Variants in ZNF385B observed in about 807,000 individuals in gnomAD.
The protein encoded by ZNF385B is zinc finger protein 385B.
A neutral mutation model predicts 39.2 loss-of-function variants in ZNF385B; 23 were observed. The observed-to-expected ratio is 0.59, with a 90% confidence interval of 0.42 to 0.83. The LOEUF is 0.83. Ranked by LOEUF, ZNF385B falls within the 40% of genes least tolerant of loss-of-function variation. The pLI, the probability that ZNF385B is intolerant of heterozygous loss-of-function variation, is 0.00. For synonymous variants in ZNF385B, 205 were observed against 222.6 expected (o/e 0.92, Z 0.70); for missense variants, 552 against 598.9 (o/e 0.92, Z 0.82).
intron 4 of ZNF385B, among the ~76,000 whole-genome samples, chr2:179,519,979 T>A (rs1240070589): frequency 6.6e-6 from 1 of 152,200 alleles, no homozygotes; most frequent in Middle Eastern, 3.2e-3. Context: ...TCAAGAAAGA[T>A]GACAGGACAA....
intron 3 of ZNF385B, among the ~76,000 whole-genome samples, chr2:179,716,796 A>T (rs969804514): frequency 6.6e-6 from 1 of 152,180 alleles, no homozygotes; most frequent in Non-Finnish European, 1.5e-5. Flanking sequence ...ATCAACAATC[A>T]GATTCTCCTA....
chr2:179,700,600 G>A (rs1699117781), intron 3 of ZNF385B, among the ~76,000 whole-genome samples: 1 of 152,216 alleles, frequency 6.6e-6, no homozygotes, highest in Non-Finnish European at 1.5e-5. Context: ...AGCAAAGAAA[G>A]ACAATTCGTC....
At chr2:179,578,451 A>T (rs1686093319) in intron 3 of ZNF385B, among the ~76,000 whole-genome samples, 1 of 152,106 alleles carries the variant, frequency 6.6e-6, no homozygotes, top group East Asian at 1.9e-4. Flanking sequence ...GCCCTCTCAA[A>T]TCAAGATGGT....
intron 3 of ZNF385B, among the ~76,000 whole-genome samples, chr2:179,684,863 G>A (rs1337544877): frequency 6.6e-6 from 1 of 152,112 alleles, no homozygotes; most frequent in Non-Finnish European, 1.5e-5. Flanking sequence ...TTTACTTTCT[G>A]AGCTAAAATT....
At chr2:179,774,370 G>GT (rs1553530806) in intron 1 of ZNF385B, among the ~76,000 whole-genome samples, 1 of 150,858 alleles carries the variant, frequency 6.6e-6, no homozygotes. Flanking sequence ...TCTTTTTTTT[G>GT]TTTGTTTTAA....
chr2:179,455,879 C>CA lies in ZNF385B; in HGVS notation c.716-9110dup, dbSNP rs58336646. 7.0e-3 allele frequency among the ~76,000 whole-genome samples: 869 copies of CA among 123,776 alleles called. 6 individuals are homozygous for CA. Among genetic ancestry groups the CA allele is most frequent in the Middle Eastern group, 0.017 (4 of 240 alleles). The allele number at this position is 123,776 out of a possible 152,430, so 81.2% of individuals were successfully genotyped here. On this transcript the variant is annotated intron_variant, in intron 6 of 9. Coordinates refer to ENST00000410066, the MANE Select transcript of ZNF385B (RefSeq NM_152520.6). ...TGGGAGATAGAGCGAGACTGCATCT[C>CA]AAAAAAAAAAAAAAAAAAAAAATTA...
intron 3 of ZNF385B, among the ~76,000 whole-genome samples, chr2:179,567,073 A>G (rs1425545021): frequency 2.0e-5 from 3 of 151,282 alleles, no homozygotes; most frequent in African/African-American, 7.3e-5. Context: ...CAGCCACCAC[A>G]CCTGGCTAAT....
intron 3 of ZNF385B, among the ~76,000 whole-genome samples, chr2:179,684,028 T>C (rs918012493): frequency 2.0e-5 from 3 of 152,218 alleles, no homozygotes; most frequent in Admixed American, 1.3e-4. Flanking sequence ...TAAGGTAAAG[T>C]AGTTTTTTTC....
intron 4 of ZNF385B, among the ~76,000 whole-genome samples, chr2:179,536,099 T>A (rs1008618094): frequency 6.6e-6 from 1 of 152,234 alleles, no homozygotes; most frequent in African/African-American, 2.4e-5. Flanking sequence ...TTTGCTACTT[T>A]TTTGTATTTA....
At chr2:179,711,585 G>A (rs1319330090) in intron 3 of ZNF385B, among the ~76,000 whole-genome samples, 3 of 152,116 alleles carry the variant, frequency 2.0e-5, no homozygotes, top group Non-Finnish European at 4.4e-5. Flanking sequence ...AAGAATCTGG[G>A]AGTGGCCAAC....
At chr2:179,605,058 C>G (rs886796552) in intron 3 of ZNF385B, among the ~76,000 whole-genome samples, 1 of 152,036 alleles carries the variant, frequency 6.6e-6, no homozygotes, top group East Asian at 1.9e-4. Flanking sequence ...TAACGTCTGT[C>G]TCCCCTATCT....
At chr2:179,844,114 T>C (rs1428848201) in intron 1 of ZNF385B, among the ~76,000 whole-genome samples, 5 of 152,238 alleles carry the variant, frequency 3.3e-5, no homozygotes, top group Non-Finnish European at 7.3e-5. Flanking sequence ...GTGATCCAAG[T>C]TGGTCTATTA....
intron 3 of ZNF385B, among the ~76,000 whole-genome samples, chr2:179,648,010 G>A (rs1692876021): frequency 6.6e-6 from 1 of 152,168 alleles, no homozygotes; most frequent in African/African-American, 2.4e-5. Flanking sequence ...AGAGAAAGGT[G>A]ACTGTGGCAG....
chr2:179,771,372 A>G (rs546374093), intron 1 of ZNF385B, among the ~76,000 whole-genome samples: 1 of 152,200 alleles, frequency 6.6e-6, no homozygotes, highest in Non-Finnish European at 1.5e-5. Flanking sequence ...GTTTATACCC[A>G]TACATCCAAT....
intron 3 of ZNF385B, among the ~76,000 whole-genome samples, chr2:179,593,421 G>C (rs1050947669): frequency 6.6e-6 from 1 of 152,026 alleles, no homozygotes; most frequent in Non-Finnish European, 1.5e-5. Context: ...TTATATTTCT[G>C]AAATACAATT....
chr2:179,704,745 T>C (rs1239213329), intron 3 of ZNF385B, among the ~76,000 whole-genome samples: 1 of 152,236 alleles, frequency 6.6e-6, no homozygotes, highest in Non-Finnish European at 1.5e-5. Context: ...CTGTTGTCAA[T>C]GTGTAACACC....
At chr2:179,475,093 G>A (rs535929767) in intron 6 of ZNF385B, among the ~76,000 whole-genome samples, 3 of 152,116 alleles carry the variant, frequency 2.0e-5, no homozygotes, top group South Asian at 2.1e-4. Flanking sequence ...AGCCTTATGC[G>A]GCTACTTAGA....
intron 3 of ZNF385B, among the ~76,000 whole-genome samples, chr2:179,734,412 G>C (rs1402653391): frequency 6.6e-6 from 1 of 152,190 alleles, no homozygotes; most frequent in Non-Finnish European, 1.5e-5. Flanking sequence ...CAATGTATGA[G>C]AGTGCCCCAT....
At chr2:179,638,723 C>G (rs1220533710) in intron 3 of ZNF385B, among the ~76,000 whole-genome samples, 1 of 152,132 alleles carries the variant, frequency 6.6e-6, no homozygotes, top group East Asian at 1.9e-4. Context: ...TTCTGAATAC[C>G]ATTCCCTCCC....
Sources: gnomAD v4.1 joint callset for allele counts (sites outside exome capture counted in the v4.1 genomes callset) on GRCh38, gnomAD v4.1.1 for gene constraint, MANE v1.5 for transcripts, NCBI Gene and HGNC (gene_info 2026-07-23, HGNC 2026-07-21) for gene names.